The following GRID1 variants were observed in gnomAD, a reference collection of about 807,000 sequenced individuals.
The protein encoded by GRID1 is glutamate receptor ionotropic, delta-1.
Under a neutral mutation model 98.0 loss-of-function variants are expected in GRID1, and 28 were observed. The observed-to-expected ratio is 0.29, with a 90% confidence interval of 0.21 to 0.39. The LOEUF (loss-of-function observed/expected upper bound fraction) is 0.39, where lower values mean the gene tolerates loss of function less well. Ranked by LOEUF, GRID1 falls within the 10% of genes least tolerant of loss-of-function variation. The probability of loss-of-function intolerance (pLI) is 1.00; values close to 1 mark genes in which losing one functional copy is unlikely to be tolerated. For missense variants in GRID1, 1,111 were observed against 1,340.5 expected (o/e 0.83, Z 2.67); for synonymous variants, 553 against 538.5 (o/e 1.03, Z -0.37).
rs1213009348 is a variant in GRID1, at chr10:86,192,670, A to G, written c.520+13694T>C. On this transcript the variant is annotated intron_variant, in intron 3 of 15. Transcript: ENST00000327946. This position sits in a 1 kb window ranked among gnomAD's most constrained non-coding sequence, Gnocchi z 4.8. ...TGAACTGTGCGTGAAAATGGTTAAC[A>G]TGGTAAATTTTGTGTTGTATATATA... is the stretch of plus-strand genomic sequence containing the variant. Among the ~76,000 whole-genome samples, 1 of 152,092 alleles carries G rather than the reference A, an allele frequency of 6.6e-6. No individual in the cohort carries two copies. The highest frequency in any genetic ancestry group is 1.9e-4 in the East Asian group (1 of 5,200).
intron 3 of GRID1, among the ~76,000 whole-genome samples, chr10:86,175,582 G>A (rs1445577815): frequency 6.6e-6 from 1 of 152,170 alleles, no homozygotes; most frequent in Non-Finnish European, 1.5e-5. Flanking sequence ...GGACATCACG[G>A]ACCTTTCCGC....
At chr10:86,012,797 A>T (rs2131882145) in intron 4 of GRID1, among the ~76,000 whole-genome samples, 1 of 152,340 alleles carries the variant, frequency 6.6e-6, no homozygotes, top group Non-Finnish European at 1.5e-5. Flanking sequence ...CCCTCAGCAG[A>T]CGCTGAATCT....
At chr10:85,609,777 T>A (rs1225825075) in intron 15 of GRID1, among the ~76,000 whole-genome samples, 1 of 152,218 alleles carries the variant, frequency 6.6e-6, no homozygotes, top group Non-Finnish European at 1.5e-5. Context: ...CATCCCTCAC[T>A]CCTCATGTCG....
Position 85,817,892 on chromosome 10 carries a change from GA to G in GRID1, c.1233+36603del, listed in dbSNP as rs141067773. On this transcript the variant is annotated intron_variant, in intron 8 of 15. Coordinates refer to ENST00000327946, the MANE Select transcript of GRID1 (RefSeq NM_017551.3). ...AGTGACAAAACAAGACTCCGTCTCA[GA>G]AAAAAAAAAGAATTTCATTGTAGCA... Among the ~76,000 whole-genome samples the G allele has an allele frequency of 4.8e-5, 7 of 147,246 alleles. No individual in the cohort carries two copies. In the South Asian group the frequency reaches 1.3e-3, roughly 27 times the overall value.
At chr10:86,290,739 G>A (rs901697216) in intron 2 of GRID1, among the ~76,000 whole-genome samples, 1 of 152,218 alleles carries the variant, frequency 6.6e-6, no homozygotes, top group African/African-American at 2.4e-5. Flanking sequence ...ACCATGATAT[G>A]TTTGGGAGAA....
At chr10:86,115,711 G>T (rs190257020) in intron 4 of GRID1, among the ~76,000 whole-genome samples, 239 of 152,242 alleles carry the variant, frequency 1.6e-3, no homozygotes, top group African/African-American at 5.5e-3. Flanking sequence ...TAAAAGGACC[G>T]ACAGAGCCAG....
chr10:86,269,529 G>A (rs1847153993), intron 2 of GRID1, among the ~76,000 whole-genome samples: 1 of 152,118 alleles, frequency 6.6e-6, no homozygotes, highest in Admixed American at 6.5e-5. Context: ...AGTTCTCTTG[G>A]CCTCGGCCTC....
intron 4 of GRID1, among the ~76,000 whole-genome samples, chr10:85,975,068 C>A (rs956526611): frequency 6.6e-6 from 1 of 152,196 alleles, no homozygotes; most frequent in Non-Finnish European, 1.5e-5. Flanking sequence ...GAGCCTCATG[C>A]AAATCTAAAT....
chr10:85,749,514 C>T (rs1311685735), intron 8 of GRID1, among the ~76,000 whole-genome samples: 1 of 152,172 alleles, frequency 6.6e-6, no homozygotes, highest in African/African-American at 2.4e-5. Flanking sequence ...CTACATAGGA[C>T]ACAGAGTGAC....
intron 7 of GRID1, 44 bp from the exon 8 acceptor site, chr10:85,854,659 A>G (rs1171901220): frequency 1.9e-6 from 3 of 1,610,590 alleles, no homozygotes; most frequent in African/African-American, 2.7e-5. Flanking sequence ...TGGTTAAGGT[A>G]GAGGATGGAG....
intron 8 of GRID1, among the ~76,000 whole-genome samples, chr10:85,819,342 A>G (rs1234020362): frequency 1.3e-5 from 2 of 152,200 alleles, no homozygotes; most frequent in Non-Finnish European, 2.9e-5. Context: ...TTTGACAAGT[A>G]CCCACAACTT....
At chr10:86,113,184 T>C (rs1463952481) in intron 4 of GRID1, among the ~76,000 whole-genome samples, 1 of 152,170 alleles carries the variant, frequency 6.6e-6, no homozygotes, top group Non-Finnish European at 1.5e-5. Flanking sequence ...ATGGGTCATG[T>C]CATTGCCCTA....
In GRID1 at chr10:85,802,884, CA is replaced by C. The variant is rs1842590351; in HGVS notation, c.1233+51611del. ...ACACACACACACACACACACACACA[CA>C]CCAAGGAACATTCAAATCAAATTGC... On this transcript the variant is annotated intron_variant, in intron 8 of 15. Transcript: ENST00000327946. 3.4e-5 allele frequency among the ~76,000 whole-genome samples: 5 copies of C among 146,848 alleles called. No individual in the cohort carries two copies. In the South Asian group the frequency reaches 6.5e-4, roughly 19 times the overall value.
chr10:86,131,695 T>C (rs953826288), intron 4 of GRID1, among the ~76,000 whole-genome samples: 6 of 152,174 alleles, frequency 3.9e-5, no homozygotes, highest in East Asian at 1.9e-4. Context: ...CAGGCCTTTT[T>C]CCCTGATGAT....
chr10:86,355,881 G>A (rs12777097), intron 2 of GRID1, among the ~76,000 whole-genome samples: 36,024 of 152,214 alleles, frequency 0.24, 4,925 homozygotes, highest in South Asian at 0.45. Context: ...CTGCCACTTC[G>A]TGGGGCAGCA....
intron 4 of GRID1, among the ~76,000 whole-genome samples, chr10:86,031,301 T>C (rs1055419901): frequency 6.6e-6 from 1 of 152,032 alleles, no homozygotes; most frequent in African/African-American, 2.4e-5. Flanking sequence ...AGCAAACTGA[T>C]GCAAAAACAG....
At chr10:86,317,709 T>C (rs1294977578) in intron 2 of GRID1, among the ~76,000 whole-genome samples, 1 of 152,098 alleles carries the variant, frequency 6.6e-6, no homozygotes, top group African/African-American at 2.4e-5. Context: ...GGTCAAGGGA[T>C]CCTCCACCAA....
rs933030702 is a variant in GRID1, at chr10:85,670,853, T to C, written c.1998-23456A>G. Among the ~76,000 whole-genome samples the C allele has an allele frequency of 7.8e-4, 119 of 152,236 alleles. 5 individuals carry two copies. Among genetic ancestry groups the C allele is most frequent in the East Asian group, 1.9e-4 (1 of 5,198 alleles). ...AATTCTCTTCCCTCTGCTTTGCCTA[T>C]GTGCATCCAGTCATAGATGGTTTGC... On this transcript the variant is annotated intron_variant, in intron 12 of 15. Coordinates refer to ENST00000327946, the MANE Select transcript of GRID1 (RefSeq NM_017551.3).
intron 4 of GRID1, among the ~76,000 whole-genome samples, chr10:86,012,024 G>C (rs1272247527): frequency 6.6e-6 from 1 of 152,112 alleles, no homozygotes; most frequent in African/African-American, 2.4e-5. Flanking sequence ...CAGGCGTGGT[G>C]GTGGGCACCT....
Sources: allele counts gnomAD v4.1 joint callset (sites outside exome capture counted in the v4.1 genomes callset), GRCh38; gene constraint gnomAD v4.1.1; non-coding constraint Gnocchi (gnomAD v3.1); transcripts MANE v1.5; gene names NCBI Gene and HGNC (gene_info 2026-07-23, HGNC 2026-07-21).